NRXN1: variants seen among roughly 807,000 people sequenced by gnomAD.
NRXN1 encodes neurexin 1, also known as neurexin-1.
In NRXN1, 39 loss-of-function variants were observed where a neutral mutation model predicts 150.9. The observed-to-expected ratio is 0.26, with a 90% CI of 0.20 to 0.34. NRXN1 has a LOEUF of 0.34. Among genes scored for constraint, NRXN1 ranks in the 10% least tolerant of loss-of-function variants. NRXN1 has a pLI of 1.00. For synonymous variants in NRXN1, 924 were observed against 757.0 expected (o/e 1.22, Z -3.62); for missense variants, 1,815 against 1,949.9 (o/e 0.93, Z 1.30).
At chr2:50,255,852 C>A (rs917351458) in intron 17 of NRXN1, among the ~76,000 whole-genome samples, 1 of 152,114 alleles carries the variant, frequency 6.6e-6, no homozygotes, top group Admixed American at 6.6e-5. Flanking sequence ...CTATCATTAA[C>A]TAATTAAAAT....
intron 8 of NRXN1, among the ~76,000 whole-genome samples, chr2:50,580,994 T>G (rs563025191): frequency 2.6e-5 from 4 of 152,312 alleles, no homozygotes; most frequent in African/African-American, 7.2e-5. Context: ...ACAATTCCTT[T>G]AAAAGTATTA....
intron 18 of NRXN1, among the ~76,000 whole-genome samples, chr2:50,228,902 G>A (rs983046015): frequency 2.0e-5 from 3 of 151,944 alleles, no homozygotes; most frequent in Admixed American, 6.6e-5. Flanking sequence ...CAGTTTTCCA[G>A]TTTGTTTTGA....
At chr2:50,527,314 G>A (rs1190800187) in intron 12 of NRXN1, among the ~76,000 whole-genome samples, 3 of 152,120 alleles carry the variant, frequency 2.0e-5, no homozygotes, top group Non-Finnish European at 4.4e-5. Context: ...ACTGGACCTG[G>A]TATTAGATGT....
chr2:50,958,127 C>G (rs1452149418), intron 2 of NRXN1, among the ~76,000 whole-genome samples: 1 of 152,116 alleles, frequency 6.6e-6, no homozygotes, highest in East Asian at 1.9e-4. Flanking sequence ...CTGAAAGCAT[C>G]AGTCCTGGAA....
At chr2:50,100,433 T>C (rs1048550463) in intron 18 of NRXN1, among the ~76,000 whole-genome samples, 2 of 152,076 alleles carry the variant, frequency 1.3e-5, no homozygotes, top group Non-Finnish European at 2.9e-5. Flanking sequence ...CAAAACAATG[T>C]CAAGATGAAT....
chr2:50,624,056 T>C (rs112224903), intron 5 of NRXN1, among the ~76,000 whole-genome samples: 5,965 of 152,168 alleles, frequency 0.039, 293 homozygotes, highest in African/African-American at 0.11. Flanking sequence ...GTCCTTGAGA[T>C]AGTTTGCTGA....
At chr2:50,523,142 A>ATT (rs767667145) in intron 12 of NRXN1, among the ~76,000 whole-genome samples, 3 of 35,966 alleles carry the variant, frequency 8.3e-5, no homozygotes, top group Admixed American at 5.0e-4. Context: ...TTTACATGCA[A>ATT]TTTTTTTTGA....
chr2:50,768,461 CTGA>C (rs1484615821), intron 5 of NRXN1, among the ~76,000 whole-genome samples: 5 of 151,690 alleles, frequency 3.3e-5, no homozygotes, highest in Non-Finnish European at 5.9e-5. Flanking sequence ...GGTGTGCACC[CTGA>C]TGATTTTTTT....
Position 50,936,967 on chromosome 2 carries a change from T to C in NRXN1, c.773-11012A>G, listed in dbSNP as rs553886861. On this transcript the variant is annotated intron_variant, in intron 2 of 22. Transcript: ENST00000401669. The stretch of plus-strand genomic sequence containing the variant: ...ATTTCTTACCAATACTTCAATGTTT[T>C]ATCTATTCATCTTGAAGAAGAAATT... Among the ~76,000 whole-genome samples, 5 of 152,284 alleles carry C rather than the reference T, an allele frequency of 3.3e-5. No individual in the cohort carries two copies. In the South Asian group the frequency reaches 1.0e-3, roughly 32 times the overall value.
intron 2 of NRXN1, among the ~76,000 whole-genome samples, chr2:50,932,913 AT>A (rs1392399959): frequency 1.3e-5 from 2 of 151,990 alleles, no homozygotes; most frequent in Non-Finnish European, 1.5e-5. Flanking sequence ...TCTTAATTGC[AT>A]TTATTTGTTG....
intron 8 of NRXN1, among the ~76,000 whole-genome samples, chr2:50,573,442 A>G (rs1175279438): frequency 6.6e-6 from 1 of 152,110 alleles, no homozygotes; most frequent in Non-Finnish European, 1.5e-5. Flanking sequence ...ATGGGAAAAC[A>G]TCTCATTTCT....
chr2:50,421,171 G>A lies in NRXN1; in HGVS notation c.3364+44271C>T, dbSNP rs560819753. Among the ~76,000 whole-genome samples, 20 of 151,894 alleles carry A rather than the reference G, an allele frequency of 1.3e-4. No individual in the cohort carries two copies. The East Asian group carries it at 3.7e-3, about 28-fold the overall frequency. On this transcript the variant is annotated intron_variant, in intron 17 of 22. Transcript: ENST00000401669. Reference sequence around the variant, plus strand: ...CATGTCAAAGGACTTTTACACTAACGTTATGATATGCTGCATTTCTACAAA... The same window carrying A: ...CATGTCAAAGGACTTTTACACTAACATTATGATATGCTGCATTTCTACAAA...
At chr2:50,555,433 G>A (rs1668088304) in intron 8 of NRXN1, among the ~76,000 whole-genome samples, 1 of 152,054 alleles carries the variant, frequency 6.6e-6, no homozygotes, top group Non-Finnish European at 1.5e-5. Context: ...TGATGAAAAG[G>A]TTCAGGAAGA....
chr2:50,009,370 T>A (rs1685278921), intron 21 of NRXN1, among the ~76,000 whole-genome samples: 1 of 152,118 alleles, frequency 6.6e-6, no homozygotes. Context: ...CTCAGTCACT[T>A]ATATGAGGGC....
intron 17 of NRXN1, among the ~76,000 whole-genome samples, chr2:50,255,042 A>G (rs2067560246): frequency 6.6e-6 from 1 of 152,078 alleles, no homozygotes; most frequent in African/African-American, 2.4e-5. Flanking sequence ...TCCTGGGCTC[A>G]AGCGATCCAC....
intron 5 of NRXN1, among the ~76,000 whole-genome samples, chr2:50,821,367 G>A (rs988842953): frequency 6.6e-6 from 1 of 152,122 alleles, no homozygotes; most frequent in Non-Finnish European, 1.5e-5. Context: ...CCAATGTGGT[G>A]AAGGGAAACC....
intron 5 of NRXN1, among the ~76,000 whole-genome samples, chr2:50,753,964 T>TG (rs1554047725): frequency 0.14 from 16,487 of 116,346 alleles, 1,261 homozygotes; most frequent in African/African-American, 0.17. Flanking sequence ...GATTTTTTTT[T>TG]GGGGGGGGGC....
At chr2:50,842,592 G>C (rs1673031432) in intron 5 of NRXN1, among the ~76,000 whole-genome samples, 1 of 152,124 alleles carries the variant, frequency 6.6e-6, no homozygotes, top group Non-Finnish European at 1.5e-5. Context: ...ATATTTATTT[G>C]CTATACCTGG....
At chr2:50,995,684 G>A (rs1304247879) in intron 2 of NRXN1, among the ~76,000 whole-genome samples, 2 of 151,250 alleles carry the variant, frequency 1.3e-5, no homozygotes, top group Non-Finnish European at 2.9e-5. Flanking sequence ...CTTGGAAGGT[G>A]TCAGTGAACT....
Sources: gnomAD v4.1 joint callset for allele counts (sites outside exome capture counted in the v4.1 genomes callset) on GRCh38, gnomAD v4.1.1 for gene constraint, MANE v1.5 for transcripts, NCBI Gene and HGNC (gene_info 2026-07-23, HGNC 2026-07-21) for gene names.